MCF2L2: variants seen among roughly 807,000 people sequenced by gnomAD.
The protein encoded by MCF2L2 is MCF.2 cell line derived transforming sequence-like 2.
MCF2L2 carries 102 observed loss-of-function variants against 150.2 expected under a neutral mutation model. The observed-to-expected ratio is 0.68, with a 90% CI of 0.58 to 0.80. MCF2L2 has a LOEUF of 0.80. Among genes scored for constraint, MCF2L2 ranks in the 30% least tolerant of loss-of-function variants. The pLI is 0.00. For synonymous variants in MCF2L2, 465 were observed against 491.3 expected (o/e 0.95, Z 0.71); for missense variants, 1,256 against 1,372.8 (o/e 0.91, Z 1.34).
chr3:183,253,182 G>T (rs536205886), intron 15 of MCF2L2: 1 of 1,776 alleles, frequency 5.6e-4, no homozygotes, highest in African/African-American at 9.3e-4. Flanking sequence ...GGCTCGGGCC[G>T]TGACGCCGAG....
chr3:183,259,765 T>C (rs1361376312), intron 15 of MCF2L2, among the ~76,000 whole-genome samples: 1 of 152,156 alleles, frequency 6.6e-6, no homozygotes, highest in African/African-American at 2.4e-5. Context: ...GAATCTTTTT[T>C]GTGGTTGAAA....
chr3:183,180,373 G>A (rs1721477412), intron 27 of MCF2L2: 6 of 517,434 alleles, frequency 1.2e-5, no homozygotes, highest in Non-Finnish European at 1.7e-5. Flanking sequence ...TCACCGAGAA[G>A]GCGCGTCCAC....
At chr3:183,407,306 T>C (rs1327078918) in intron 1 of MCF2L2, among the ~76,000 whole-genome samples, 1 of 149,142 alleles carries the variant, frequency 6.7e-6, no homozygotes, top group African/African-American at 2.6e-5. Flanking sequence ...CCTCCAAATG[T>C]ACTCTTTTAA....
intron 23 of MCF2L2, among the ~76,000 whole-genome samples, chr3:183,207,207 C>T (rs1455800193): frequency 6.6e-6 from 1 of 152,014 alleles, no homozygotes; most frequent in African/African-American, 2.4e-5. Flanking sequence ...TGCCTTAGAC[C>T]CCAAGGTCAG....
At chr3:183,302,669 G>A (rs1291768140) in intron 10 of MCF2L2, among the ~76,000 whole-genome samples, 3 of 151,970 alleles carry the variant, frequency 2.0e-5, no homozygotes, top group East Asian at 1.9e-4. Flanking sequence ...TACGGCTTAC[G>A]GCTGGTCACC....
At chr3:183,291,644 T>G (rs146335044) in intron 13 of MCF2L2, among the ~76,000 whole-genome samples, 1 of 152,340 alleles carries the variant, frequency 6.6e-6, no homozygotes, top group African/African-American at 2.4e-5. Flanking sequence ...ACAGACTCAG[T>G]TACTAAGGAA....
intron 25 of MCF2L2, among the ~76,000 whole-genome samples, chr3:183,195,474 C>A (rs544471407): frequency 6.6e-6 from 1 of 152,164 alleles, no homozygotes; most frequent in Non-Finnish European, 1.5e-5. Flanking sequence ...GTCTCTACCC[C>A]ATCCTGCTGA....
chr3:183,413,098 T>C (rs1715406329), intron 1 of MCF2L2, among the ~76,000 whole-genome samples: 1 of 152,204 alleles, frequency 6.6e-6, no homozygotes, highest in African/African-American at 2.4e-5. Context: ...GTATAATCTT[T>C]TTTGTATGTT....
rs1042114856 is a variant in MCF2L2, at chr3:183,197,164, A to T, written c.2885-1909T>A. ...ATAGAAGTATAAAGGACACAGAATAATCAAAACAACTTTAAAAAGGAAGAA... is the reference window on the plus strand; with the variant it reads ...ATAGAAGTATAAAGGACACAGAATATTCAAAACAACTTTAAAAAGGAAGAA... On this transcript the variant is annotated intron_variant, in intron 25 of 29. Coordinates refer to ENST00000328913, the MANE Select transcript of MCF2L2 (RefSeq NM_015078.4). The surrounding 1 kb of genome is among the most constrained non-coding windows in gnomAD (Gnocchi z 4.5). Among the ~76,000 whole-genome samples the T allele has an allele frequency of 6.6e-6, 1 of 152,208 alleles. No individual in the cohort carries two copies. Among genetic ancestry groups the T allele is most frequent in the Non-Finnish European group, 1.5e-5 (1 of 68,038 alleles).
intron 14 of MCF2L2, among the ~76,000 whole-genome samples, chr3:183,287,133 C>T (rs1255940821): frequency 6.6e-6 from 1 of 151,832 alleles, no homozygotes; most frequent in South Asian, 2.1e-4. Context: ...CTATCCCCAC[C>T]GCTGCTCCTA....
chr3:183,426,337 G>A (rs926810906), intron 1 of MCF2L2, among the ~76,000 whole-genome samples: 1 of 152,188 alleles, frequency 6.6e-6, no homozygotes, highest in Non-Finnish European at 1.5e-5. Context: ...TTTAACAGAT[G>A]GGAGGCTTCG....
chr3:183,365,084 G>T (rs891548766), intron 3 of MCF2L2, among the ~76,000 whole-genome samples: 3 of 152,112 alleles, frequency 2.0e-5, no homozygotes, highest in African/African-American at 7.2e-5. Flanking sequence ...AGGATATAAT[G>T]GTGGATAGAT....
rs141170924 is a variant in MCF2L2 at position 183,374,538 on chromosome 3, C to A, written c.275+4759G>T. ...CAAAAATTAGCTGGGCGTGGTGGTG[C>A]GTGTCTGTAATCCCAGCTACTCGGG... On this transcript the variant is annotated intron_variant, in intron 3 of 29. Coordinates refer to ENST00000328913, the MANE Select transcript of MCF2L2 (RefSeq NM_015078.4). The A allele has an allele frequency of 4.7e-3, 708 of 152,006 alleles. 9 individuals carry two copies. The highest frequency in any genetic ancestry group is 0.033 in the South Asian group (159 of 4,800). 9.4% of individuals were successfully genotyped at this position (152,006 alleles called of 1,614,324 possible). A position where few individuals can be genotyped will look rare whatever the true frequency, so the allele number is the denominator to read the frequency against.
chr3:183,215,945 C>G, intron 22 of MCF2L2, 24 bp downstream of exon 22: 1 of 1,608,184 alleles, frequency 6.2e-7, no homozygotes, highest in Non-Finnish European at 8.5e-7. Flanking sequence ...GTGTGAGATG[C>G]TCTAACACTA....
chr3:183,242,345 C>T (rs931629955), intron 15 of MCF2L2, among the ~76,000 whole-genome samples: 2 of 152,194 alleles, frequency 1.3e-5, no homozygotes, highest in African/African-American at 4.8e-5. Flanking sequence ...ATGTCAAGGA[C>T]CTTTGTGGCA....
chr3:183,419,236 C>T (rs1033992744), intron 1 of MCF2L2, among the ~76,000 whole-genome samples: 3 of 152,226 alleles, frequency 2.0e-5, no homozygotes, highest in East Asian at 1.9e-4. Context: ...CACAAGGCTA[C>T]ACAGAGCAGT....
At chr3:183,355,489 A>C (rs1440971322) in intron 3 of MCF2L2, among the ~76,000 whole-genome samples, 18 of 150,444 alleles carry the variant, frequency 1.2e-4, no homozygotes, top group African/African-American at 4.4e-4. Context: ...GCTCTGTCGC[A>C]TAGGTGGAGT....
At chr3:183,333,491 G>C (rs568806323) in intron 5 of MCF2L2, among the ~76,000 whole-genome samples, 1 of 152,210 alleles carries the variant, frequency 6.6e-6, no homozygotes, top group Admixed American at 6.5e-5. Context: ...CATCTAGGTG[G>C]AGATCCAGAA....
intron 1 of MCF2L2, among the ~76,000 whole-genome samples, chr3:183,399,211 T>C (rs191194324): frequency 6.6e-6 from 1 of 152,328 alleles, no homozygotes; most frequent in East Asian, 1.9e-4. Context: ...CATTATCTAC[T>C]ATATAAGTAT....
Sources: gnomAD v4.1 joint callset for allele counts (sites outside exome capture counted in the v4.1 genomes callset) on GRCh38, gnomAD v4.1.1 for gene constraint, Gnocchi (gnomAD v3.1) non-coding constraint, MANE v1.5 for transcripts, NCBI Gene and HGNC (gene_info 2026-07-23, HGNC 2026-07-21) for gene names.